Variants in KIAA0232 observed in about 807,000 individuals in gnomAD.
The protein encoded by KIAA0232 is KIAA0232.
Under a neutral mutation model 122.0 loss-of-function variants are expected in KIAA0232, and 27 were observed. The ratio of observed to expected loss-of-function variants is 0.22; its 90% CI spans 0.16 to 0.31. KIAA0232 has a LOEUF of 0.31. KIAA0232 is among the 10% of genes least tolerant of loss of function. The pLI is 1.00. For synonymous variants in KIAA0232, 613 were observed against 587.6 expected (o/e 1.04, Z -0.63); for missense variants, 1,551 against 1,634.2 (o/e 0.95, Z 0.88).
intron 3 of KIAA0232, among the ~76,000 whole-genome samples, chr4:6,825,878 T>C (rs1718652778): frequency 6.6e-6 from 1 of 152,188 alleles, no homozygotes; most frequent in African/African-American, 2.4e-5. Flanking sequence ...CAGGAGATAT[T>C]GGCTTTGCCC....
Position 6,824,630 on chromosome 4 carries a change from G to A in KIAA0232, c.177G>A (p.Arg59=). 1 of 1,614,218 alleles carries A rather than the reference G, an allele frequency of 6.2e-7. No individual in the cohort carries two copies. The highest frequency in any genetic ancestry group is 8.5e-7 in the Non-Finnish European group (1 of 1,180,036). The part of the protein sequence containing the change: ...KCGIDAMIYT[R]YVLSLLLHDS... ...GCATTGATGCCATGATTTACACTCG[G>A]TATGTCCTCAGTCTTCTGCTGCATG... The change falls in exon 3 of 10, where the codon CGG becomes CGA. Residue 59 remains arginine, a synonymous_variant. Transcript: ENST00000307659.
At chr4:6,813,619 C>T (rs1352079283) in intron 2 of KIAA0232, among the ~76,000 whole-genome samples, 1 of 152,140 alleles carries the variant, frequency 6.6e-6, no homozygotes, top group Non-Finnish European at 1.5e-5. Context: ...GCCTCGGCCT[C>T]CCAAAGTGCT....
Position 6,857,173 on chromosome 4 carries a change from A to G in KIAA0232, c.379A>G (p.Ile127Val), listed in dbSNP as rs1720611012. 1.9e-6 allele frequency: 3 copies of G among 1,608,960 alleles called. No homozygotes were observed. Among genetic ancestry groups the G allele is most frequent in the Non-Finnish European group, 2.5e-6 (3 of 1,177,532 alleles). Residue 127 changes from isoleucine to valine, a missense_variant, in exon 5 of 10, where the codon ATC becomes GTC. Ile to Val is a conservative substitution (Grantham distance 29). Transcript: ENST00000307659. Reference sequence around the variant, plus strand: ...TTTTGTTGTCATGCAGAGCTCTGGTATCGAGACTTTAGTGGAGGAGCTCTG... The same window carrying G: ...TTTTGTTGTCATGCAGAGCTCTGGTGTCGAGACTTTAGTGGAGGAGCTCTG... Reference protein sequence around the residue: ...LRSASDESSGIETLVEELCSR... With the variant: ...LRSASDESSGVETLVEELCSR...
intron 4 of KIAA0232, among the ~76,000 whole-genome samples, chr4:6,856,474 T>A (rs1720577044): frequency 1.3e-5 from 2 of 152,214 alleles, no homozygotes; most frequent in Non-Finnish European, 2.9e-5. Context: ...TACATTCATT[T>A]TTCTTTAAAG....
intron 1 of KIAA0232, among the ~76,000 whole-genome samples, chr4:6,783,552 C>G (rs942420962): frequency 1.3e-5 from 2 of 152,118 alleles, no homozygotes; most frequent in African/African-American, 4.8e-5. Flanking sequence ...CTCGCGTTCC[C>G]TCCGTTCCCC....
intron 3 of KIAA0232, among the ~76,000 whole-genome samples, chr4:6,841,442 A>G (rs568016453): frequency 3.3e-5 from 5 of 152,380 alleles, no homozygotes; most frequent in Non-Finnish European, 4.4e-5. Flanking sequence ...ACAGAATTCT[A>G]TAAATGCCTT....
chr4:6,858,595 C>A, intron 6 of KIAA0232, 89 bp downstream of exon 6: 1 of 802,940 alleles, frequency 1.2e-6, no homozygotes, highest in Admixed American at 3.0e-5. Context: ...TGTTTGTCAT[C>A]TTGTTTAGTT....
intron 3 of KIAA0232, among the ~76,000 whole-genome samples, chr4:6,835,571 A>G (rs1453120577): frequency 6.6e-6 from 1 of 151,892 alleles, no homozygotes; most frequent in East Asian, 1.9e-4. Context: ...GCACCCATCA[A>G]CTCGTCATTT....
intron 2 of KIAA0232, among the ~76,000 whole-genome samples, chr4:6,813,447 C>G (rs2108984157): frequency 6.6e-6 from 1 of 151,902 alleles, no homozygotes; most frequent in East Asian, 1.9e-4. Flanking sequence ...ACTGCAAGCT[C>G]TGCCTCCCAG....
chr4:6,859,115 A>C (rs1560198041), intron 6 of KIAA0232, among the ~76,000 whole-genome samples: 2 of 151,524 alleles, frequency 1.3e-5, no homozygotes, highest in Admixed American at 6.6e-5. Context: ...AAAAAAAAAA[A>C]AAAAAAAACA....
Position 6,879,998 on chromosome 4 carries a change from AGG to A in KIAA0232, c.4009-788_4009-787del, listed in dbSNP as rs1721985795. Among the ~76,000 whole-genome samples the A allele has an allele frequency of 4.6e-5, 3 of 64,584 alleles. 1 individual carries two copies. The highest frequency in any genetic ancestry group is 6.4e-5 in the Non-Finnish European group (2 of 31,246). 42.4% of individuals were successfully genotyped at this position (64,584 alleles called of 152,430 possible). A position where few individuals can be genotyped will look rare whatever the true frequency, so the allele number is the denominator to read the frequency against. ...ACTGCAAACTCCCTTCCCAACACAC[AGG>A]TCTGTAGTGTCGCCTCACCATCTGT... is the stretch of plus-strand genomic sequence containing the variant. On this transcript the variant is annotated intron_variant, in intron 9 of 9. Transcript: ENST00000307659.
chr4:6,794,039 T>C (rs1426139522), intron 1 of KIAA0232, among the ~76,000 whole-genome samples: 1 of 152,246 alleles, frequency 6.6e-6, no homozygotes, highest in African/African-American at 2.4e-5. Context: ...GATGCCAGGA[T>C]GGATTAGACA....
At chr4:6,864,956 G>T (rs904193276) in intron 7 of KIAA0232, among the ~76,000 whole-genome samples, 1 of 152,020 alleles carries the variant, frequency 6.6e-6, no homozygotes, top group Non-Finnish European at 1.5e-5. Context: ...ATACATTGTG[G>T]TACATGTAGA....
At chr4:6,818,398 TCAA>T (rs1718240592) in intron 2 of KIAA0232, among the ~76,000 whole-genome samples, 1 of 82,942 alleles carries the variant, frequency 1.2e-5, no homozygotes, top group Admixed American at 1.6e-4. Context: ...AGACTCCGTC[TCAA>T]AAAAAAAAAA....
chr4:6,831,344 A>T (rs1205901846), intron 3 of KIAA0232, among the ~76,000 whole-genome samples: 3 of 152,138 alleles, frequency 2.0e-5, no homozygotes, highest in Non-Finnish European at 4.4e-5. Context: ...GTGAGCCACC[A>T]CACCTGGCCG....
intron 1 of KIAA0232, among the ~76,000 whole-genome samples, chr4:6,790,959 C>T (rs1484344841): frequency 7.2e-6 from 1 of 138,512 alleles, no homozygotes; most frequent in Non-Finnish European, 1.5e-5. Flanking sequence ...TGCTCTGTCA[C>T]CCAGGCTGGA....
rs548262847 is a variant in KIAA0232 at position 6,803,599 on chromosome 4, C to T, written c.-353-924C>T. Among the ~76,000 whole-genome samples the T allele has an allele frequency of 2.7e-4, 41 of 152,276 alleles. 2 individuals carry two copies. The South Asian group carries it at 7.9e-3, about 29-fold the overall frequency. ...CTAGAGTTGTCTAATTTCATATTCA[C>T]TTAAAGAGAATACTTTTTACTAACC... On this transcript the variant is annotated intron_variant, in intron 1 of 9. Transcript: ENST00000307659.
At position 6,863,405 on chromosome 4, in the gene KIAA0232, G is replaced by T. The variant is rs903182535; in HGVS notation, c.3023G>T (p.Gly1008Val). 3 of 1,613,964 alleles carry T rather than the reference G, an allele frequency of 1.9e-6. No homozygotes were observed. The highest frequency in any genetic ancestry group is 2.5e-6 in the Non-Finnish European group (3 of 1,180,032). The part of the protein sequence containing the change: ...QNDQPKSGEN[G>V]LNKGFSFIFH... Reference sequence around the variant, plus strand: ...GATCAGCCGAAGAGTGGGGAAAATGGGTTAAATAAGGGATTTTCTTTTATC... The same window carrying T: ...GATCAGCCGAAGAGTGGGGAAAATGTGTTAAATAAGGGATTTTCTTTTATC... Residue 1008 changes from glycine (G) to valine (V), a missense_variant, in exon 7 of 10, where the codon GGG (glycine) becomes GTG (valine). Transcript: ENST00000307659.
chr4:6,823,442 G>A (rs1449435645), intron 2 of KIAA0232, among the ~76,000 whole-genome samples: 1 of 152,152 alleles, frequency 6.6e-6, no homozygotes, highest in Non-Finnish European at 1.5e-5. Context: ...CCAGCAAGAA[G>A]ACAAGTTTCA....
Sources: allele counts gnomAD v4.1 joint callset (sites outside exome capture counted in the v4.1 genomes callset), GRCh38; gene constraint gnomAD v4.1.1; transcripts MANE v1.5; gene names NCBI Gene and HGNC (gene_info 2026-07-23, HGNC 2026-07-21).